KRTAP4-16: variants seen among roughly 807,000 people sequenced by gnomAD.
KRTAP4-16 encodes keratin associated protein 4-16.
For synonymous variants in KRTAP4-16, 140 were observed against 88.8 expected, an observed-to-expected ratio of 1.58 and a Z score of -3.24; for missense variants, 378 against 233.5, an observed-to-expected ratio of 1.62 and a Z score of -4.03.
chr17:41,101,938 G>T (rs767471042), exon 1 of KRTAP4-16: 28 of 1,604,238 alleles, frequency 1.7e-5, no homozygotes, highest in Non-Finnish European at 2.4e-5. Context: ...GCAGCACTGG[G>T]GTCTGCAGCA....
chr17:41,101,919 C>G, exon 1 of KRTAP4-16: 1 of 1,610,334 alleles, frequency 6.2e-7, no homozygotes, highest in Non-Finnish European at 8.5e-7. Flanking sequence ...GCTGGAAGCA[C>G]ACGGAATGGC....
exon 1 of KRTAP4-16, chr17:41,101,923 G>T (rs751365811): frequency 6.2e-7 from 1 of 1,610,952 alleles, no homozygotes; most frequent in Admixed American, 1.7e-5. Context: ...GAAGCACACG[G>T]AATGGCAGCA....
In KRTAP4-16 at chr17:41,102,126, A is replaced by G. The variant is rs773187209; in HGVS notation, c.84T>C (p.Cys28=). 3.1e-5 allele frequency: 47 copies of G among 1,540,172 alleles called. No individual in the cohort carries two copies. In the African/African-American group the frequency reaches 5.2e-4, roughly 17 times the overall value. The stretch of plus-strand genomic sequence containing the variant: ...TGGTTCTGCAGCAGGTGGTCTGACA[A>G]CAGCTGGGGTGACAGCAGTTGGGTG... Residue 28 remains cysteine (C), a synonymous_variant, in exon 1 of 1, where the codon TGT becomes TGC. Coordinates refer to ENST00000440582, the Ensembl canonical transcript of KRTAP4-16.
exon 1 of KRTAP4-16, chr17:41,101,930 A>T: frequency 6.2e-7 from 1 of 1,610,980 alleles, no homozygotes; most frequent in Non-Finnish European, 8.5e-7. Context: ...ACGGAATGGC[A>T]GCACTGGGGT....
Position 41,101,847 on chromosome 17 carries a change from C to G in KRTAP4-16, c.363G>C (p.Ser121=), listed in dbSNP as rs571613023. ...GGCAGCAGCAGGGGCAGCAGCAGCT[C>G]GATTCACAGCAAGAGGGGCAGCAGC... is the stretch of plus-strand genomic sequence containing the variant. Residue 121 remains serine, a synonymous_variant, in exon 1 of 1, where the codon TCG becomes TCC. Coordinates refer to ENST00000440582, the Ensembl canonical transcript of KRTAP4-16. The G allele has an allele frequency of 2.0e-3, 3,255 of 1,602,248 alleles. 22 individuals are homozygous for G. Among genetic ancestry groups the G allele is most frequent in the South Asian group, 9.0e-3 (815 of 90,402 alleles).
exon 1 of KRTAP4-16, chr17:41,101,627 A>C (rs2013982986): frequency 2.3e-6 from 1 of 435,378 alleles, no homozygotes; most frequent in Non-Finnish European, 4.1e-6. Flanking sequence ...AACACTGGGG[A>C]GAGGAGGGGA....
the KRTAP4-16 span, chr17:41,101,596 GA>G: frequency 5.2e-6 from 2 of 386,866 alleles, no homozygotes; most frequent in African/African-American, 5.4e-5. Flanking sequence ...GAGAGAAGGG[GA>G]AGGGGAAGGG....
At chr17:41,101,631 G>A (rs2013983226) in exon 1 of KRTAP4-16, 3 of 508,970 alleles carry the variant, frequency 5.9e-6, no homozygotes, top group Non-Finnish European at 7.0e-6. Flanking sequence ...CTGGGGAGAG[G>A]AGGGGAGGGG....
Position 41,102,086 on chromosome 17 carries a change from T to C in KRTAP4-16, c.124A>G (p.Ser42Gly), listed in dbSNP as rs767936610. Reference sequence around the variant, plus strand: ...CTGCAGCAGCTGGACACAGAGCAGCTGTGGGAGCAGGAGGTGGTTCTGCAG... The same window carrying C: ...CTGCAGCAGCTGGACACAGAGCAGCCGTGGGAGCAGGAGGTGGTTCTGCAG... The change falls in exon 1 of 1, where the codon AGC (serine) becomes GGC (glycine). Residue 42 changes from serine to glycine, a missense_variant. Transcript: ENST00000440582. 5 of 1,591,412 alleles carry C rather than the reference T, an allele frequency of 3.1e-6. No individual in the cohort carries two copies. The South Asian group carries it at 3.3e-5, about 11-fold the overall frequency.
At chr17:41,102,067 C>A in exon 1 of KRTAP4-16, 1 of 1,595,590 alleles carries the variant, frequency 6.3e-7, no homozygotes, top group Non-Finnish European at 8.6e-7. Flanking sequence ...GGGTCTGCAG[C>A]AGCTGGACAC....
exon 1 of KRTAP4-16, chr17:41,101,982 C>T (rs761624868): frequency 1.2e-4 from 190 of 1,588,818 alleles, no homozygotes; most frequent in Non-Finnish European, 1.4e-4. Flanking sequence ...GGCAGCAGGT[C>T]GTCCTGCAGC....
At chr17:41,101,698 G>GGGGAAGGGAGGGGAAGGGGGGGGGAA in the KRTAP4-16 span, 5 of 825,806 alleles carry the variant, frequency 6.1e-6, no homozygotes, top group African/African-American at 4.8e-5. Flanking sequence ...GGGAACGGGT[G>GGGGAAGGGAGGGGAAGGGGGGGGGAA]GGGAAGGGAA....
At chr17:41,101,802 T>C (rs1194861618) in exon 1 of KRTAP4-16, 6 of 1,568,762 alleles carry the variant, frequency 3.8e-6, no homozygotes, top group Admixed American at 1.9e-5. Flanking sequence ...GGCAGGAGAC[T>C]CGACCACAGA....
chr17:41,101,781 G>A (rs1310092335), exon 1 of KRTAP4-16: 5 of 1,546,066 alleles, frequency 3.2e-6, no homozygotes, highest in Non-Finnish European at 4.4e-6. Context: ...TTGGGTGATA[G>A]CAAGTGACGT....
exon 1 of KRTAP4-16, chr17:41,101,882 T>TGCAGCAGCTGGGGTG: frequency 6.2e-7 from 1 of 1,609,692 alleles, no homozygotes. Flanking sequence ...CTGCTGGAGA[T>TGCAGCAGCTGGGGTG]GCAGCAGCTG....
exon 1 of KRTAP4-16, chr17:41,101,986 C>A (rs1597982844): frequency 6.2e-7 from 1 of 1,602,962 alleles, no homozygotes; most frequent in Non-Finnish European, 8.5e-7. Context: ...GCAGGTCGTC[C>A]TGCAGCAGGT....
At chr17:41,101,576 A>AGGGGG in the KRTAP4-16 span, 1 of 229,134 alleles carries the variant, frequency 4.4e-6, no homozygotes. Flanking sequence ...AGGGGAGGGG[A>AGGGGG]AAGTGAAGGG....
chr17:41,102,088 T>TG, the KRTAP4-16 span: 1 of 1,583,636 alleles, frequency 6.3e-7, no homozygotes, highest in East Asian at 2.3e-5. Flanking sequence ...AGAGCAGCTG[T>TG]GGGAGCAGGA....
chr17:41,102,074 A>C (rs1191681608), exon 1 of KRTAP4-16: 16 of 1,593,840 alleles, frequency 1.0e-5, no homozygotes, highest in Non-Finnish European at 1.4e-5. Context: ...CAGCAGCTGG[A>C]CACAGAGCAG....
Sources: allele counts gnomAD v4.1 joint callset, GRCh38; gene constraint gnomAD v4.1.1; transcripts MANE v1.5; gene names NCBI Gene and HGNC (gene_info 2026-07-23, HGNC 2026-07-21).